Variants in DUOX1 observed in about 807,000 individuals in gnomAD.
DUOX1 encodes dual oxidase 1, also known as NADPH thyroid oxidase 1.
Under a neutral mutation model 181.8 loss-of-function variants are expected in DUOX1, and 134 were observed. The ratio of observed to expected loss-of-function variants is 0.74; its 90% CI spans 0.64 to 0.85. The LOEUF (loss-of-function observed/expected upper bound fraction) is 0.85. Ranked by LOEUF, DUOX1 falls within the 40% of genes least tolerant of loss-of-function variation. The pLI is 0.00. For synonymous variants in DUOX1, 798 were observed against 832.5 expected (o/e 0.96, Z 0.71); for missense variants, 1,814 against 2,064.4 (o/e 0.88, Z 2.35).
rs143580242 is a variant in DUOX1 at position 45,148,646 on chromosome 15, A to T, written c.2818+199A>T. 1,152 of 385,524 alleles carry T rather than the reference A, an allele frequency of 3.0e-3. 15 individuals are homozygous for T. Among genetic ancestry groups the T allele is most frequent in the African/African-American group, 0.023 (1,088 of 47,538 alleles). The allele number at this position is 385,524 out of a possible 1,614,324, so 23.9% of individuals were successfully genotyped here. A position where few individuals can be genotyped will look rare whatever the true frequency, so the allele number is the denominator to read the frequency against. On this transcript the variant is annotated intron_variant, in intron 21 of 33. Transcript: ENST00000389037. ...CAACATAATTATACAATATAATTTT[A>T]AAATATTATTTTTTATTTTTATGGA...
chr15:45,147,493 C>T lies in DUOX1; in HGVS notation c.2383C>T (p.Arg795Trp), dbSNP rs146747045. 981 of 1,614,024 alleles carry T rather than the reference C, an allele frequency of 6.1e-4. 9 individuals carry two copies. In the Admixed American group the frequency reaches 0.015, roughly 25 times the overall value. ...TLPLDSSQKV[R>W]EALTCELSRA... ...GCCCCTGGACTCCTCCCAGAAGGTG[C>T]GGGAGGCCCTGACCTGTGAGCTGAG... The change falls in exon 19 of 34, where the codon CGG (arginine) becomes TGG (tryptophan). Residue 795 changes from arginine to tryptophan, a missense_variant. By Grantham distance (101) the Arg-to-Trp change is moderately radical. Around this residue, in one of 5 missense-constraint regions of DUOX1, gnomAD observed 1,064 missense variants for 1,152.9 expected, o/e 0.92. Coordinates refer to ENST00000389037, the MANE Select transcript of DUOX1 (RefSeq NM_175940.3).
intron 15 of DUOX1, among the ~76,000 whole-genome samples, chr15:45,142,627 A>G (rs1341424127): frequency 1.3e-5 from 2 of 152,148 alleles, no homozygotes; most frequent in Non-Finnish European, 2.9e-5. Context: ...CGGGAGGCTG[A>G]GGCAGGAGAA....
chr15:45,158,074 A>C (rs1354839264), intron 28 of DUOX1, among the ~76,000 whole-genome samples: 4 of 152,184 alleles, frequency 2.6e-5, no homozygotes, highest in Non-Finnish European at 5.9e-5. Flanking sequence ...CAGGGCTAGC[A>C]CATCAGAGGC....
At chr15:45,153,567 T>G (rs1896886225) in intron 26 of DUOX1, 88 bp downstream of exon 26, 1 of 1,311,842 alleles carries the variant, frequency 7.6e-7, no homozygotes, top group African/African-American at 1.5e-5. Flanking sequence ...AGGATTCCTT[T>G]TGGGTGGAAA....
chr15:45,145,963 A>G (rs1399454991), intron 18 of DUOX1, among the ~76,000 whole-genome samples: 1 of 152,200 alleles, frequency 6.6e-6, no homozygotes, highest in Non-Finnish European at 1.5e-5. Context: ...CCACTGAAGA[A>G]GCTTATCCTT....
At chr15:45,148,137 C>G in intron 20 of DUOX1, 135 bp from the exon 21 acceptor site, 2 of 1,452,694 alleles carry the variant, frequency 1.4e-6, no homozygotes, top group African/African-American at 1.4e-5. Context: ...TTCAAACTAG[C>G]AGGGGGCTTG....
chr15:45,153,898 A>C lies in DUOX1; in HGVS notation c.3525-53A>C, dbSNP rs550708669. ...CAAGACTCTGCCTCAAAAAAAAAAA[A>C]AAGAGAGAGAGATCTCCTCTCAAGG... On this transcript the variant is annotated intron_variant, in intron 26 of 33. Coordinates refer to ENST00000389037, the MANE Select transcript of DUOX1 (RefSeq NM_175940.3). 65 of 1,513,534 alleles carry C rather than the reference A, an allele frequency of 4.3e-5. No homozygotes were observed. The African/African-American group carries it at 8.0e-4, about 19-fold the overall frequency. 93.8% of individuals were successfully genotyped at this position (1,513,534 alleles called of 1,614,324 possible).
At position 45,136,331 on chromosome 15, in the gene DUOX1, G is replaced by A. The variant is rs372501889; in HGVS notation, c.865-19G>A. On this transcript the variant is annotated intron_variant, in intron 7 of 33. Transcript: ENST00000389037. The stretch of plus-strand genomic sequence containing the variant: ...CCCCATCCAACTCGTGCCTCCCCTC[G>A]CCCCTCTCTGCCCCTCAGAACATCG... 43 of 1,612,706 alleles carry A rather than the reference G, an allele frequency of 2.7e-5. No individual in the cohort carries two copies. Among genetic ancestry groups the A allele is most frequent in the Non-Finnish European group, 3.5e-5 (41 of 1,179,996 alleles).
chr15:45,135,667 G>A lies in DUOX1; in HGVS notation c.689G>A (p.Gly230Glu), dbSNP rs1237823450. The change falls in exon 6 of 34, where the codon GGG becomes GAG. Residue 230 changes from glycine (G) to glutamate (E), a missense_variant. Gly to Glu is a moderately conservative substitution (Grantham distance 98, BLOSUM62 -2). Around this residue, in one of 5 missense-constraint regions of DUOX1, gnomAD observed 27 missense variants for 90.8 expected, o/e 0.30. Transcript: ENST00000389037. ...DPATGQNGPR[G>E]LYAFGAERGN... ...GCCACCGGGCAGAACGGGCCCCGGG[G>A]GCTGTACGGTGAGGCCACAGGGGCG... The A allele has an allele frequency of 3.4e-6, 5 of 1,487,030 alleles. No homozygotes were observed. The highest frequency in any genetic ancestry group is 4.5e-6 in the Non-Finnish European group (5 of 1,118,368). 92.1% of individuals were successfully genotyped at this position (1,487,030 alleles called of 1,614,324 possible). A position where few individuals can be genotyped will look rare whatever the true frequency, so the allele number is the denominator to read the frequency against.
intron 2 of DUOX1, 136 bp downstream of exon 2, chr15:45,132,160 A>G (rs1389777957): frequency 4.2e-6 from 3 of 708,578 alleles, no homozygotes; most frequent in Admixed American, 3.0e-5. Flanking sequence ...TGCACATGAG[A>G]GTTGCTCATT....
rs1157047235 is a variant in DUOX1, at chr15:45,139,284, TCA to T, written c.1216+118_1216+119del. Reference sequence around the variant, plus strand: ...CTGGGGCTGGGAGCCTGCACTGCACTCACTGATGAAAGAGCTTCTGACATGCT... The same window carrying T: ...CTGGGGCTGGGAGCCTGCACTGCACTCTGATGAAAGAGCTTCTGACATGCT... On this transcript the variant is annotated intron_variant, in intron 11 of 33. Transcript: ENST00000389037. 1.9e-6 allele frequency: 3 copies of T among 1,598,028 alleles called. No individual in the cohort carries two copies. In the South Asian group the frequency reaches 3.4e-5, roughly 18 times the overall value.
chr15:45,148,438 T>C lies in DUOX1; in HGVS notation c.2809T>C (p.Cys937Arg). 6.2e-7 allele frequency: 1 copy of C among 1,612,232 alleles called. No homozygotes were observed. The highest frequency in any genetic ancestry group is 8.5e-7 in the Non-Finnish European group (1 of 1,178,696). ...TAGCGAGCTCCGCTTCACGCAGCTC[T>C]GTGTCAAAGGTGGGGCAGCCTGGTA... Reference protein sequence around the residue: ...HNSELRFTQLCVKGVEVPEVI... With the variant: ...HNSELRFTQLRVKGVEVPEVI... The change falls in exon 21 of 34, where the codon TGT becomes CGT. Residue 937 changes from cysteine to arginine, a missense_variant. Coordinates refer to ENST00000389037, the MANE Select transcript of DUOX1 (RefSeq NM_175940.3).
intron 28 of DUOX1, among the ~76,000 whole-genome samples, 194 bp from the exon 29 acceptor site, chr15:45,160,643 C>CT (rs1897074746): frequency 6.6e-6 from 1 of 152,214 alleles, no homozygotes; most frequent in African/African-American, 2.4e-5. Context: ...AGAAAATACT[C>CT]TAATTCCTCA....
In DUOX1 at chr15:45,151,913, C is replaced by T; in HGVS notation, c.3054C>T (p.His1018=). ...SFQPLLFTEA[H]REKFQRSCLH... ...AGCCCTTGCTGTTCACTGAGGCGCACCGAGAGAAGTTCCAACGCAGCTGTC... is the reference window on the plus strand; with the variant it reads ...AGCCCTTGCTGTTCACTGAGGCGCATCGAGAGAAGTTCCAACGCAGCTGTC... The change falls in exon 24 of 34, where the codon CAC becomes CAT. Residue 1018 remains histidine (H), a synonymous_variant. Transcript: ENST00000389037. 2 of 1,614,034 alleles carry T rather than the reference C, an allele frequency of 1.2e-6. No homozygotes were observed. Among genetic ancestry groups the T allele is most frequent in the Non-Finnish European group, 1.7e-6 (2 of 1,179,992 alleles).
rs574520316 is a variant in DUOX1, at chr15:45,131,077, C to A, written c.-49-841C>A. Among the ~76,000 whole-genome samples the A allele has an allele frequency of 8.5e-4, 130 of 152,326 alleles. 3 individuals carry two copies. The South Asian group carries it at 0.026, about 30-fold the overall frequency. ...GGTTCTCTCCTCTAGACAACCCATC[C>A]AGGAACCCTGATGTTTGGCTGGGGA... On this transcript the variant is annotated intron_variant, in intron 1 of 33. Coordinates refer to ENST00000389037, the MANE Select transcript of DUOX1 (RefSeq NM_175940.3).
At position 45,152,067 on chromosome 15, in the gene DUOX1, T is replaced by TC. The variant is rs770193405; in HGVS notation, c.3193+15_3193+16insC. 1 of 1,611,754 alleles carries TC rather than the reference T, an allele frequency of 6.2e-7. No individual in the cohort carries two copies. The highest frequency in any genetic ancestry group is 1.1e-5 in the South Asian group (1 of 90,898). ...GAGGGCCTACTGTGAGTGACTTTACTTACCACGAGCCCTGTCCCTAGGCTT... is the reference window on the plus strand; with the variant it reads ...GAGGGCCTACTGTGAGTGACTTTACTCTACCACGAGCCCTGTCCCTAGGCTT... On this transcript the variant is annotated intron_variant, in intron 24 of 33. Transcript: ENST00000389037.
In DUOX1 at chr15:45,163,693, T is replaced by C. The variant is rs780731138; in HGVS notation, c.4404+6T>C. 6.2e-7 allele frequency: 1 copy of C among 1,614,058 alleles called. No homozygotes were observed. Among genetic ancestry groups the C allele is most frequent in the Non-Finnish European group, 8.5e-7 (1 of 1,179,994 alleles). On this transcript the variant is annotated splice_donor_region_variant and intron_variant, in intron 32 of 33. Coordinates refer to ENST00000389037, the MANE Select transcript of DUOX1 (RefSeq NM_175940.3). ...ACCTCAGGACCACTATGCTGGTATG[T>C]CAGGGCCCACCAGGAGGGTATGCGG...
intron 28 of DUOX1, among the ~76,000 whole-genome samples, chr15:45,157,814 G>A (rs1377806269): frequency 5.1e-5 from 2 of 39,390 alleles, no homozygotes; most frequent in Non-Finnish European, 5.7e-4. Context: ...TGGACAGCCT[G>A]TTTAAAAAAA....
Position 45,131,950 on chromosome 15 carries a change from C to A in DUOX1, c.-17C>A. 6.2e-7 allele frequency: 1 copy of A among 1,613,668 alleles called. No homozygotes were observed. Among genetic ancestry groups the A allele is most frequent in the South Asian group, 1.1e-5 (1 of 91,056 alleles). ...ATTTTGGGACATTCTAATCCCTGAG[C>A]CCCTATTATTTTCATCATGGGCTTC... is the stretch of plus-strand genomic sequence containing the variant. On this transcript the variant is annotated 5_prime_UTR_variant, in exon 2 of 34. Coordinates refer to ENST00000389037, the MANE Select transcript of DUOX1 (RefSeq NM_175940.3).
Sources: gnomAD v4.1 joint callset for allele counts (sites outside exome capture counted in the v4.1 genomes callset) on GRCh38, gnomAD v4.1.1 for gene constraint, gnomAD v4.1.1 regional missense constraint, MANE v1.5 for transcripts, NCBI Gene and HGNC (gene_info 2026-07-23, HGNC 2026-07-21) for gene names.